ANKRD55: variants seen among roughly 807,000 people sequenced by gnomAD.
ANKRD55 encodes ankyrin repeat domain-containing protein 55.
ANKRD55 carries 41 observed loss-of-function variants against 60.6 expected under a neutral mutation model. That is an observed-to-expected ratio of 0.68 (90% CI 0.53 to 0.88). ANKRD55 has a LOEUF of 0.88. Ranked by LOEUF, ANKRD55 falls within the 40% of genes least tolerant of loss-of-function variation. The pLI, the probability that ANKRD55 is intolerant of heterozygous loss-of-function variation, is 0.00. For synonymous variants in ANKRD55, 264 were observed against 290.3 expected (o/e 0.91, Z 0.92); for missense variants, 732 against 767.6 (o/e 0.95, Z 0.55).
intron 2 of ANKRD55, among the ~76,000 whole-genome samples, chr5:56,189,556 A>G (rs892838639): frequency 6.6e-6 from 1 of 152,190 alleles, no homozygotes; most frequent in Non-Finnish European, 1.5e-5. Context: ...AAGGCACCTC[A>G]TGTATGTGGA....
chr5:56,121,618 G>T (rs371313931), intron 8 of ANKRD55, among the ~76,000 whole-genome samples: 1 of 151,864 alleles, frequency 6.6e-6, no homozygotes, highest in South Asian at 2.1e-4. Flanking sequence ...TGATCCACCC[G>T]CCTGGGCCTC....
At chr5:56,156,735 A>C (rs1335243617) in intron 6 of ANKRD55, among the ~76,000 whole-genome samples, 1 of 152,180 alleles carries the variant, frequency 6.6e-6, no homozygotes, top group African/African-American at 2.4e-5. Flanking sequence ...GAGTGACCAG[A>C]GTGTGCTACC....
At chr5:56,111,069 T>G in intron 10 of ANKRD55, 49 bp downstream of exon 10, 1 of 1,570,428 alleles carries the variant, frequency 6.4e-7, no homozygotes. Flanking sequence ...GTACGGGACA[T>G]TTCCAGTATA....
chr5:56,100,172 G>A lies in ANKRD55; in HGVS notation c.*11C>T. The A allele has an allele frequency of 6.2e-7, 1 of 1,614,122 alleles. No homozygotes were observed. The highest frequency in any genetic ancestry group is 8.5e-7 in the Non-Finnish European group (1 of 1,179,998). The stretch of plus-strand genomic sequence containing the variant: ...ATATTCATCTACATTTCTGCAGCGA[G>A]TGGCCCACAGTTAATTTTCATCACT... On this transcript the variant is annotated 3_prime_UTR_variant, in exon 12 of 12. Coordinates refer to ENST00000341048, the MANE Select transcript of ANKRD55 (RefSeq NM_024669.3).
At chr5:56,101,187 G>T (rs895402023) in intron 11 of ANKRD55, among the ~76,000 whole-genome samples, 2 of 152,314 alleles carry the variant, frequency 1.3e-5, no homozygotes, top group Admixed American at 1.3e-4. Flanking sequence ...TAGCCTAGGG[G>T]AGAAAGACAT....
chr5:56,185,297 A>C (rs1242724971), intron 2 of ANKRD55, among the ~76,000 whole-genome samples: 1 of 152,132 alleles, frequency 6.6e-6, no homozygotes, highest in Non-Finnish European at 1.5e-5. Flanking sequence ...AGTTCTGCTC[A>C]AGAGGAGGCC....
chr5:56,224,115 A>T (rs1278531638), intron 2 of ANKRD55, among the ~76,000 whole-genome samples: 1 of 152,238 alleles, frequency 6.6e-6, no homozygotes, highest in Admixed American at 6.5e-5. Context: ...AATGTAAAAG[A>T]ACAGAAATTA....
chr5:56,185,355 C>T (rs1163145227), intron 2 of ANKRD55, among the ~76,000 whole-genome samples: 2 of 152,078 alleles, frequency 1.3e-5, no homozygotes, highest in Non-Finnish European at 2.9e-5. Context: ...CTCCCATGCA[C>T]GCCTCCTCTG....
At chr5:56,112,986 C>T (rs1171094562) in intron 9 of ANKRD55, among the ~76,000 whole-genome samples, 1 of 152,110 alleles carries the variant, frequency 6.6e-6, no homozygotes, top group Non-Finnish European at 1.5e-5. Context: ...TTTTGAAATA[C>T]TGAATTCTAG....
chr5:56,230,055 G>C (rs1760212599), intron 2 of ANKRD55, among the ~76,000 whole-genome samples: 1 of 152,086 alleles, frequency 6.6e-6, no homozygotes, highest in African/African-American at 2.4e-5. Flanking sequence ...ATCTCCCTGG[G>C]TGGGATGCAA....
intron 7 of ANKRD55, among the ~76,000 whole-genome samples, chr5:56,136,292 A>T (rs62362361): frequency 0.14 from 20,596 of 152,194 alleles, 1,824 homozygotes; most frequent in Non-Finnish European, 0.19. Flanking sequence ...GGCAAAAGAC[A>T]CAGAATAGTC....
chr5:56,215,589 T>C (rs1759785145), intron 2 of ANKRD55, among the ~76,000 whole-genome samples: 1 of 152,022 alleles, frequency 6.6e-6, no homozygotes, highest in Admixed American at 6.6e-5. Flanking sequence ...CAGAAAGGGG[T>C]TGATTGGGTG....
rs747701641 is a variant in ANKRD55 at position 56,215,512 on chromosome 5, C to T, written c.58+17344G>A. On this transcript the variant is annotated intron_variant, in intron 2 of 11. Coordinates refer to ENST00000341048, the MANE Select transcript of ANKRD55 (RefSeq NM_024669.3). ...CTGCCAGCTCACCTTGAGCAAATCACAGAGGGAGTCGGGCACTCTGCTGAG... is the reference window on the plus strand; with the variant it reads ...CTGCCAGCTCACCTTGAGCAAATCATAGAGGGAGTCGGGCACTCTGCTGAG... Among the ~76,000 whole-genome samples, 75 of 152,316 alleles carry T rather than the reference C, an allele frequency of 4.9e-4. 1 individual carries two copies. Among genetic ancestry groups the T allele is most frequent in the South Asian group, 2.3e-3 (11 of 4,832 alleles).
Position 56,137,183 on chromosome 5 carries a change from G to C in ANKRD55, c.612+6618C>G, listed in dbSNP as rs1302946554. 6 of 1,603,784 alleles carry C rather than the reference G, an allele frequency of 3.7e-6. No individual in the cohort carries two copies. In the African/African-American group the frequency reaches 6.7e-5, roughly 18 times the overall value. On this transcript the variant is annotated intron_variant, in intron 7 of 11. Transcript: ENST00000341048. ...GACGTTACAGTGGTGGAGTTGGCAA[G>C]TGTGCCCAGGCCAAGCAGTGGGGCT... is the stretch of plus-strand genomic sequence containing the variant.
chr5:56,153,504 G>A (rs1403926480), intron 6 of ANKRD55, among the ~76,000 whole-genome samples: 1 of 152,118 alleles, frequency 6.6e-6, no homozygotes, highest in South Asian at 2.1e-4. Flanking sequence ...AAAATAAATG[G>A]GGGTATTTTG....
chr5:56,189,204 A>G (rs1581010752), intron 2 of ANKRD55, among the ~76,000 whole-genome samples: 1 of 151,820 alleles, frequency 6.6e-6, no homozygotes, highest in Non-Finnish European at 1.5e-5. Context: ...AAAATTGTGC[A>G]GGAGGCTGAG....
intron 10 of ANKRD55, among the ~76,000 whole-genome samples, chr5:56,104,165 G>T (rs1276469770): frequency 6.6e-6 from 1 of 152,072 alleles, no homozygotes; most frequent in East Asian, 1.9e-4. Flanking sequence ...TATGTTTATG[G>T]AACACTTACT....
In ANKRD55 at chr5:56,176,189, G is replaced by A. The variant is rs1252778943; in HGVS notation, c.275C>T (p.Ala92Val). The part of the protein sequence containing the change: ...KMGANINMQD[A>V]YGRTSLCLAT... ...CAGGCATAAACTTGTGCGGCCATAA[G>A]CATCCTGCATGTTAATATTGGCTCC... The change falls in exon 4 of 12, where the codon GCT (alanine) becomes GTT (valine). Residue 92 changes from alanine to valine, a missense_variant. By Grantham distance (64) the Ala-to-Val change is moderately conservative. Transcript: ENST00000341048. The A allele has an allele frequency of 1.9e-6, 3 of 1,614,186 alleles. No homozygotes were observed. The highest frequency in any genetic ancestry group is 1.7e-5 in the Admixed American group (1 of 60,024).
intron 6 of ANKRD55, among the ~76,000 whole-genome samples, chr5:56,151,512 T>G (rs2449451): frequency 0.65 from 98,469 of 151,910 alleles, 32,089 homozygotes; most frequent in Non-Finnish European, 0.67. Context: ...ATAACATATC[T>G]AGATATAATA....
Sources: gnomAD v4.1 joint callset for allele counts (sites outside exome capture counted in the v4.1 genomes callset) on GRCh38, gnomAD v4.1.1 for gene constraint, MANE v1.5 for transcripts, NCBI Gene and HGNC (gene_info 2026-07-23, HGNC 2026-07-21) for gene names.